The following CLINT1 variants were observed in gnomAD, a reference collection of about 807,000 sequenced individuals.
CLINT1 encodes the protein clathrin interactor 1.
CLINT1 carries 15 observed loss-of-function variants against 70.4 expected under a neutral mutation model. That is an observed-to-expected ratio of 0.21 (90% CI 0.14 to 0.33). CLINT1 has a LOEUF of 0.33. Ranked by LOEUF, CLINT1 falls within the 10% of genes least tolerant of loss-of-function variation. The probability of loss-of-function intolerance (pLI) is 1.00; values close to 1 mark genes in which losing one functional copy is unlikely to be tolerated. For missense variants in CLINT1, 615 were observed against 778.1 expected (o/e 0.79, Z 2.49); for synonymous variants, 227 against 254.7 (o/e 0.89, Z 1.04).
chr5:157,793,497 G>A (rs2113134515), intron 9 of CLINT1, among the ~76,000 whole-genome samples: 1 of 152,234 alleles, frequency 6.6e-6, no homozygotes, highest in East Asian at 1.9e-4. Flanking sequence ...CCCTGCGTAA[G>A]GTGGTCAGGT....
chr5:157,844,313 C>CT (rs1160131345), intron 1 of CLINT1, among the ~76,000 whole-genome samples: 1 of 152,144 alleles, frequency 6.6e-6, no homozygotes, highest in African/African-American at 2.4e-5. Context: ...TATGGACCTT[C>CT]TTTCGTTTAT....
chr5:157,849,312 AATG>A (rs1373424445), intron 1 of CLINT1, among the ~76,000 whole-genome samples: 3 of 152,246 alleles, frequency 2.0e-5, no homozygotes, highest in Non-Finnish European at 4.4e-5. Flanking sequence ...CCACCAGCAG[AATG>A]ATAAATACCT....
intron 10 of CLINT1, 91 bp from the exon 11 acceptor site, chr5:157,789,604 T>A: frequency 1.3e-6 from 2 of 1,557,490 alleles, no homozygotes; most frequent in East Asian, 2.2e-5. Context: ...ATTAAGCATC[T>A]GTTCTATAAA....
At chr5:157,848,653 G>T (rs1010329992) in intron 1 of CLINT1, among the ~76,000 whole-genome samples, 1 of 151,922 alleles carries the variant, frequency 6.6e-6, no homozygotes, top group Non-Finnish European at 1.5e-5. Flanking sequence ...ACAGGGGTGC[G>T]CCAGAATGCC....
At chr5:157,827,418 A>G (rs1265259942) in intron 1 of CLINT1, among the ~76,000 whole-genome samples, 1 of 152,202 alleles carries the variant, frequency 6.6e-6, no homozygotes, top group Non-Finnish European at 1.5e-5. Flanking sequence ...TAATAATTTT[A>G]ATGCCTCAAA....
chr5:157,844,790 C>T (rs1753313178), intron 1 of CLINT1, among the ~76,000 whole-genome samples: 1 of 152,170 alleles, frequency 6.6e-6, no homozygotes, highest in African/African-American at 2.4e-5. Context: ...AAGTTGGTCA[C>T]AGAGGACCAC....
At chr5:157,817,623 A>G (rs1762762604) in intron 1 of CLINT1, 76 bp from the exon 2 acceptor site, 5 of 946,870 alleles carry the variant, frequency 5.3e-6, no homozygotes, top group Non-Finnish European at 8.2e-6. Flanking sequence ...AAACTTAATA[A>G]TGACACTACT....
At chr5:157,791,591 A>G (rs1051622213) in intron 10 of CLINT1, 112 bp downstream of exon 10, 2 of 936,006 alleles carry the variant, frequency 2.1e-6, no homozygotes, top group African/African-American at 3.3e-5. Flanking sequence ...ACATATTCAT[A>G]CACATAAAAA....
intron 1 of CLINT1, among the ~76,000 whole-genome samples, chr5:157,825,988 T>C (rs1209735465): frequency 6.6e-6 from 1 of 152,168 alleles, no homozygotes; most frequent in Non-Finnish European, 1.5e-5. Flanking sequence ...TTACACTGTA[T>C]TTGTACTACT....
chr5:157,790,244 C>T (rs896808187), intron 10 of CLINT1: 3 of 167,008 alleles, frequency 1.8e-5, no homozygotes, highest in African/African-American at 7.2e-5. Context: ...TGATGTCTCA[C>T]ATTATACAAG....
intron 10 of CLINT1, 50 bp downstream of exon 10, chr5:157,791,653 G>T: frequency 1.3e-6 from 2 of 1,490,896 alleles, no homozygotes; most frequent in Non-Finnish European, 1.8e-6. Context: ...ATGAGTTAGA[G>T]CATCTCAAAG....
At chr5:157,831,237 G>C (rs1763234654) in intron 1 of CLINT1, among the ~76,000 whole-genome samples, 1 of 150,352 alleles carries the variant, frequency 6.7e-6, no homozygotes, top group Admixed American at 6.6e-5. Context: ...GCCCAGGCTG[G>C]AGTGCAGTGG....
chr5:157,816,386 G>A (rs1326429244), intron 3 of CLINT1, among the ~76,000 whole-genome samples: 2 of 152,052 alleles, frequency 1.3e-5, no homozygotes, highest in Admixed American at 6.6e-5. Context: ...TTTCTATGTC[G>A]ATGACAAACC....
At chr5:157,816,672 C>T in intron 3 of CLINT1, 62 bp downstream of exon 3, 5 of 1,146,788 alleles carry the variant, frequency 4.4e-6, no homozygotes, top group East Asian at 4.8e-5. Context: ...TGTATATACA[C>T]CTTCAATTTC....
chr5:157,845,762 G>A (rs1753350163), intron 1 of CLINT1, among the ~76,000 whole-genome samples: 1 of 152,046 alleles, frequency 6.6e-6, no homozygotes, highest in South Asian at 2.1e-4. Flanking sequence ...CACCGTGTTA[G>A]CCAGGATGGT....
At chr5:157,825,506 AT>A in intron 1 of CLINT1, among the ~76,000 whole-genome samples, 1 of 152,202 alleles carries the variant, frequency 6.6e-6, no homozygotes, top group East Asian at 1.9e-4. Flanking sequence ...TCTATTTAAA[AT>A]AATTCTGGAT....
At chr5:157,828,579 TGAAGGGGGA>T (rs1324900094) in intron 1 of CLINT1, among the ~76,000 whole-genome samples, 1 of 152,182 alleles carries the variant, frequency 6.6e-6, no homozygotes, top group Non-Finnish European at 1.5e-5. Context: ...TAGAGTGGGT[TGAAGGGGGA>T]GCATCTGTTT....
At position 157,787,817 on chromosome 5, in the gene CLINT1, A is replaced by T; in HGVS notation, c.1707T>A (p.Thr569=). The T allele has an allele frequency of 6.2e-7, 1 of 1,613,942 alleles. No individual in the cohort carries two copies. Among genetic ancestry groups the T allele is most frequent in the African/African-American group, 1.3e-5 (1 of 75,012 alleles). Residue 569 remains threonine, a synonymous_variant, in exon 12 of 12, where the codon ACT becomes ACA. Coordinates refer to ENST00000411809, the MANE Select transcript of CLINT1 (RefSeq NM_014666.4). ...CCATCATGCTCTGGTTCATCATCGG[A>T]GTATTTCCAAGAGGGGCCATTCCCA... is the stretch of plus-strand genomic sequence containing the variant. The part of the protein sequence containing the change: ...GTMGMAPLGN[T]PMMNQSMMGM...
chr5:157,793,873 T>C (rs556139031), intron 9 of CLINT1, among the ~76,000 whole-genome samples: 3 of 152,178 alleles, frequency 2.0e-5, no homozygotes, highest in Non-Finnish European at 4.4e-5. Flanking sequence ...TAAATTTTAA[T>C]CCAGTTTAAT....
Sources: allele counts gnomAD v4.1 joint callset (sites outside exome capture counted in the v4.1 genomes callset), GRCh38; gene constraint gnomAD v4.1.1; transcripts MANE v1.5; gene names NCBI Gene and HGNC (gene_info 2026-07-23, HGNC 2026-07-21).